The following SHISA9 variants were observed in gnomAD, a reference collection of about 807,000 sequenced individuals.
SHISA9 encodes protein shisa-9.
SHISA9 carries 13 observed loss-of-function variants against 38.0 expected under a neutral mutation model. The ratio of observed to expected loss-of-function variants is 0.34; its 90% CI spans 0.22 to 0.54. The LOEUF is 0.54. Among genes scored for constraint, SHISA9 ranks in the 20% least tolerant of loss-of-function variants. The pLI, the probability that SHISA9 is intolerant of heterozygous loss-of-function variation, is 0.91. For missense variants in SHISA9, 538 were observed against 575.8 expected, an observed-to-expected ratio of 0.93 and a Z score of 0.67; for synonymous variants, 275 against 242.0, an observed-to-expected ratio of 1.14 and a Z score of -1.27.
rs536015539 is a variant in SHISA9 at position 12,969,402 on chromosome 16, G to A, written c.691+52587G>A. On this transcript the variant is annotated intron_variant, in intron 2 of 4. Coordinates refer to ENST00000558583, the MANE Select transcript of SHISA9 (RefSeq NM_001145204.3). ...GATTATGCTATAGTGCTCACTTGGT[G>A]GAAATTCATCACTCCTTGCACTTAT... 4.6e-5 allele frequency among the ~76,000 whole-genome samples: 7 copies of A among 150,780 alleles called. No homozygotes were observed. In the East Asian group the frequency reaches 1.2e-3, roughly 25 times the overall value.
intron 2 of SHISA9, among the ~76,000 whole-genome samples, chr16:12,996,694 G>T (rs76056052): frequency 3.3e-5 from 5 of 152,060 alleles, no homozygotes; most frequent in Admixed American, 3.3e-4. Flanking sequence ...TGTCTCAAGG[G>T]TCCCATAGAG....
At chr16:13,316,774 T>C in the SHISA9 span, among the ~76,000 whole-genome samples, 1 of 152,160 alleles carries the variant, frequency 6.6e-6, no homozygotes, top group Non-Finnish European at 1.5e-5. Context: ...TCCCATTGAC[T>C]CCACAAAGCA....
the SHISA9 span, among the ~76,000 whole-genome samples, chr16:13,330,217 T>G: frequency 6.6e-6 from 1 of 152,382 alleles, no homozygotes; most frequent in Non-Finnish European, 1.5e-5. Flanking sequence ...CCCGACTATG[T>G]GCATGCTGTC....
intron 2 of SHISA9, among the ~76,000 whole-genome samples, chr16:12,975,978 A>C (rs1359135325): frequency 6.6e-6 from 1 of 152,108 alleles, no homozygotes; most frequent in Non-Finnish European, 1.5e-5. Flanking sequence ...TGACTAATCA[A>C]ACTTTTACTG....
At chr16:13,057,374 C>T (rs554570294) in intron 2 of SHISA9, among the ~76,000 whole-genome samples, 40 of 152,276 alleles carry the variant, frequency 2.6e-4, no homozygotes, top group Non-Finnish European at 4.6e-4. Context: ...TCGGATTCAC[C>T]GTATCCTAAT....
At chr16:12,957,953 C>G (rs890474498) in intron 2 of SHISA9, among the ~76,000 whole-genome samples, 1 of 152,290 alleles carries the variant, frequency 6.6e-6, no homozygotes, top group African/African-American at 2.4e-5. Flanking sequence ...CTTATTTAAG[C>G]CTAATGACCT....
At chr16:13,251,999 G>T in the SHISA9 span, among the ~76,000 whole-genome samples, 1 of 152,178 alleles carries the variant, frequency 6.6e-6, no homozygotes, top group South Asian at 2.1e-4. Context: ...TGTAGGTAAA[G>T]AATTCTGCAA....
intron 4 of SHISA9, among the ~76,000 whole-genome samples, chr16:13,222,717 A>G (rs1211038669): frequency 2.6e-5 from 4 of 151,988 alleles, no homozygotes; most frequent in African/African-American, 9.7e-5. Context: ...ACCATGCACT[A>G]TGCATAATGT....
the SHISA9 span, among the ~76,000 whole-genome samples, chr16:13,324,461 G>A: frequency 6.6e-6 from 1 of 152,032 alleles, no homozygotes; most frequent in Non-Finnish European, 1.5e-5. Flanking sequence ...AAGAGCACAA[G>A]CTCTAGATTA....
chr16:13,158,208 C>A (rs746094419), intron 2 of SHISA9, among the ~76,000 whole-genome samples: 1 of 152,178 alleles, frequency 6.6e-6, no homozygotes, highest in Non-Finnish European at 1.5e-5. Flanking sequence ...GAGAAGCAGG[C>A]TTTGTCTTCA....
At chr16:13,531,832 T>C in the SHISA9 span, among the ~76,000 whole-genome samples, 1 of 152,182 alleles carries the variant, frequency 6.6e-6, no homozygotes, top group Non-Finnish European at 1.5e-5. Context: ...GAACAATTCA[T>C]GTTCAGTGTG....
At chr16:13,105,298 A>G (rs1365707049) in intron 2 of SHISA9, among the ~76,000 whole-genome samples, 1 of 152,162 alleles carries the variant, frequency 6.6e-6, no homozygotes, top group Non-Finnish European at 1.5e-5. Flanking sequence ...CTGTGGATGG[A>G]AGGTGTCTAA....
the SHISA9 span, among the ~76,000 whole-genome samples, chr16:13,548,241 C>G: frequency 5.8e-3 from 858 of 148,388 alleles, 3 homozygotes; most frequent in Non-Finnish European, 9.1e-3. Context: ...GCATGTGAGA[C>G]TCAAAACAAT....
the SHISA9 span, among the ~76,000 whole-genome samples, chr16:13,440,365 A>G: frequency 6.6e-6 from 1 of 152,298 alleles, no homozygotes; most frequent in Non-Finnish European, 1.5e-5. Context: ...GTTGTCAGTC[A>G]TTTGATTCCA....
At chr16:13,125,501 T>C (rs895501407) in intron 2 of SHISA9, among the ~76,000 whole-genome samples, 1 of 152,192 alleles carries the variant, frequency 6.6e-6, no homozygotes, top group African/African-American at 2.4e-5. Context: ...CACAGAACCA[T>C]TGTGATGGCT....
intron 2 of SHISA9, among the ~76,000 whole-genome samples, chr16:13,130,608 T>A (rs1031695254): frequency 6.6e-6 from 1 of 152,182 alleles, no homozygotes; most frequent in African/African-American, 2.4e-5. Context: ...TAGGTTTAGG[T>A]ATGACTTTTT....
At position 12,905,078 on chromosome 16, in the gene SHISA9, A is replaced by T. The variant is rs189952316; in HGVS notation, c.563+2451A>T. ...AATGTGCAGCCAATCGCTGTTAAGG[A>T]AAAGGAACTAATGCCTGCTGAGCAC... On this transcript the variant is annotated intron_variant, in intron 1 of 4. Transcript: ENST00000558583. Among the ~76,000 whole-genome samples, 4 of 152,268 alleles carry T rather than the reference A, an allele frequency of 2.6e-5. No individual in the cohort carries two copies. The South Asian group carries it at 8.3e-4, about 32-fold the overall frequency.
At chr16:13,482,820 G>A in the SHISA9 span, among the ~76,000 whole-genome samples, 34 of 74,832 alleles carry the variant, frequency 4.5e-4, no homozygotes, top group East Asian at 1.4e-3. Flanking sequence ...AAAAAAAAGA[G>A]AGAGAGAGAC....
chr16:13,011,598 T>C lies in SHISA9; in HGVS notation c.691+94783T>C, dbSNP rs564038739. 3.4e-3 allele frequency among the ~76,000 whole-genome samples: 518 copies of C among 152,276 alleles called. 1 individual carries two copies. Among genetic ancestry groups the C allele is most frequent in the African/African-American group, 0.012 (481 of 41,572 alleles). On this transcript the variant is annotated intron_variant, in intron 2 of 4. Coordinates refer to ENST00000558583, the MANE Select transcript of SHISA9 (RefSeq NM_001145204.3). ...GTGCAGTGGTGCCATCTCGGCTCAC[T>C]GCAAGCTCTGCCTCCCGGGTTCATT...
Sources: gnomAD v4.1 joint callset for allele counts (sites outside exome capture counted in the v4.1 genomes callset) on GRCh38, gnomAD v4.1.1 for gene constraint, MANE v1.5 for transcripts, NCBI Gene and HGNC (gene_info 2026-07-23, HGNC 2026-07-21) for gene names.